ZNF76: variants seen among roughly 807,000 people sequenced by gnomAD.
The protein encoded by ZNF76 is zinc finger protein 76.
ZNF76 carries 66 observed loss-of-function variants against 66.9 expected under a neutral mutation model. The observed-to-expected ratio is 0.99, with a 90% CI of 0.81 to 1.21. ZNF76 has a LOEUF of 1.21. ZNF76 is among the 50% of genes most tolerant of loss of function. ZNF76 has a pLI of 0.00. For synonymous variants in ZNF76, 275 were observed against 296.1 expected (o/e 0.93, Z 0.73); for missense variants, 729 against 760.3 (o/e 0.96, Z 0.48).
chr6:35,265,085 G>T (rs939590459), intron 1 of ZNF76, among the ~76,000 whole-genome samples: 10 of 152,138 alleles, frequency 6.6e-5, no homozygotes, highest in African/African-American at 2.2e-4. Context: ...TGTGTGCCAG[G>T]TACTTTTCTA....
chr6:35,279,488 C>T (rs1343802612), intron 1 of ZNF76: 2 of 130,088 alleles, frequency 1.5e-5, no homozygotes, highest in Admixed American at 9.6e-5. Flanking sequence ...AGTGCAGTGG[C>T]GCGATCTTGG....
chr6:35,283,885 C>T (rs958729401), intron 2 of ZNF76, among the ~76,000 whole-genome samples: 2 of 152,256 alleles, frequency 1.3e-5, no homozygotes, highest in South Asian at 2.1e-4. Context: ...CTCCACCTTA[C>T]CTGCCTTTGG....
chr6:35,280,530 G>A (rs1312239606), intron 1 of ZNF76, among the ~76,000 whole-genome samples: 3 of 59,514 alleles, frequency 5.0e-5, no homozygotes, highest in African/African-American at 6.7e-5. Flanking sequence ...CCCCCCCCCC[G>A]CCCTGAAGTT....
intron 3 of ZNF76, 53 bp downstream of exon 3, chr6:35,286,261 A>C: frequency 6.2e-7 from 1 of 1,613,052 alleles, no homozygotes; most frequent in Non-Finnish European, 8.5e-7. Context: ...GACAGCCCCC[A>C]CCAAGGGACC....
chr6:35,290,431 G>T, intron 6 of ZNF76, 49 bp downstream of exon 6: 1 of 1,603,026 alleles, frequency 6.2e-7, no homozygotes, highest in Non-Finnish European at 8.5e-7. Flanking sequence ...TCCCTCCCAG[G>T]CTGTAATTCT....
In ZNF76 at chr6:35,291,676, C is replaced by T; in HGVS notation, c.870C>T (p.Pro290=). The T allele has an allele frequency of 6.2e-7, 1 of 1,613,682 alleles. No individual in the cohort carries two copies. The highest frequency in any genetic ancestry group is 2.2e-5 in the East Asian group (1 of 44,874). Residue 290 remains proline (P), a synonymous_variant, in exon 9 of 14, where the codon CCC becomes CCT. Coordinates refer to ENST00000373953, the MANE Select transcript of ZNF76 (RefSeq NM_003427.5). The part of the protein sequence containing the change: ...TGERPYTCPE[P]HCGRGFTSAT... The stretch of plus-strand genomic sequence containing the variant: ...AGAGGCCCTACACCTGCCCGGAGCC[C>T]CACTGTGGCCGCGGCTTCACCAGCG...
intron 1 of ZNF76, among the ~76,000 whole-genome samples, chr6:35,280,261 T>G (rs1444554857): frequency 6.6e-6 from 1 of 152,150 alleles, no homozygotes; most frequent in Non-Finnish European, 1.5e-5. Flanking sequence ...TGGAAGAGGC[T>G]GAGGCAGGAA....
chr6:35,285,088 A>G (rs1198986902), intron 2 of ZNF76, among the ~76,000 whole-genome samples: 1 of 152,224 alleles, frequency 6.6e-6, no homozygotes, highest in African/African-American at 2.4e-5. Flanking sequence ...CTCACTGGAC[A>G]CAAGGAAGGG....
chr6:35,267,211 T>C (rs1786282122), intron 1 of ZNF76, among the ~76,000 whole-genome samples: 1 of 151,486 alleles, frequency 6.6e-6, no homozygotes, highest in African/African-American at 2.4e-5. Flanking sequence ...AGTCCTCCCA[T>C]GTCAGCCTCC....
chr6:35,291,192 G>A (rs867754763), intron 7 of ZNF76, 86 bp from the exon 8 acceptor site: 2 of 1,520,940 alleles, frequency 1.3e-6, no homozygotes, highest in Middle Eastern at 1.8e-4. Flanking sequence ...GCCAAAGGAG[G>A]TGGAGAGCCT....
At position 35,271,888 on chromosome 6, in the gene ZNF76, A is replaced by C. The variant is rs553532189; in HGVS notation, c.-96-9168A>C. 4.1e-4 allele frequency among the ~76,000 whole-genome samples: 63 copies of C among 152,146 alleles called. 1 individual carries two copies. Among genetic ancestry groups the C allele is most frequent in the Non-Finnish European group, 5.6e-4 (38 of 67,978 alleles). On this transcript the variant is annotated intron_variant, in intron 1 of 13. Transcript: ENST00000373953. ...GAGGATCACTTGATCCTGGGAGATC[A>C]AGACCAGCCTGGGCAACATAATAAG...
At position 35,275,111 on chromosome 6, in the gene ZNF76, T is replaced by A. The variant is rs145609481; in HGVS notation, c.-96-5945T>A. ...CGGAGGTTGCAGTGAGCCGAGATTG[T>A]GTCATTGCACTCCAGCGTGGGCGTG... On this transcript the variant is annotated intron_variant, in intron 1 of 13. Transcript: ENST00000373953. Among the ~76,000 whole-genome samples, 81 of 152,006 alleles carry A rather than the reference T, an allele frequency of 5.3e-4. No homozygotes were observed. The East Asian group carries it at 0.012, about 22-fold the overall frequency.
At chr6:35,262,937 G>C (rs1372778738) in intron 1 of ZNF76, among the ~76,000 whole-genome samples, 1 of 151,824 alleles carries the variant, frequency 6.6e-6, no homozygotes, top group Non-Finnish European at 1.5e-5. Context: ...TCCTCTTCCT[G>C]CCTTCCTCTT....
chr6:35,287,611 G>A lies in ZNF76; in HGVS notation c.233-35G>A, dbSNP rs1255213637. 2 of 1,561,770 alleles carry A rather than the reference G, an allele frequency of 1.3e-6. No homozygotes were observed. Among genetic ancestry groups the A allele is most frequent in the South Asian group, 1.2e-5 (1 of 83,350 alleles). ...GGTCCCAGCTGTATCTCTTCCCCTT[G>A]TGTGGCATCAGGGCTAACCGCGTGT... On this transcript the variant is annotated intron_variant, in intron 4 of 13. Transcript: ENST00000373953. This position sits in a 1 kb window ranked among gnomAD's most constrained non-coding sequence, Gnocchi z 4.0.
intron 7 of ZNF76, 32 bp from the exon 8 acceptor site, chr6:35,291,246 C>G (rs1168236543): frequency 6.3e-7 from 1 of 1,581,992 alleles, no homozygotes. Context: ...ACTGGGTGCT[C>G]ATCTCACCCC....
chr6:35,295,079 C>T (rs1425529549), intron 13 of ZNF76, 65 bp from the exon 14 acceptor site: 2 of 1,331,894 alleles, frequency 1.5e-6, no homozygotes, highest in Admixed American at 2.0e-5. Flanking sequence ...CCACATATTA[C>T]TAACACTGGA....
At chr6:35,278,674 C>G (rs963169214) in intron 1 of ZNF76, among the ~76,000 whole-genome samples, 8 of 152,216 alleles carry the variant, frequency 5.3e-5, no homozygotes, top group African/African-American at 1.9e-4. Flanking sequence ...GAATGGATGT[C>G]AAAGAGAGTC....
chr6:35,267,464 T>G (rs16873902), intron 1 of ZNF76, among the ~76,000 whole-genome samples: 2,105 of 152,288 alleles, frequency 0.014, 20 homozygotes, highest in Middle Eastern at 0.027. Context: ...GTTGATGAAT[T>G]AAGTGCTTAG....
At chr6:35,264,088 A>G (rs535638350) in intron 1 of ZNF76, among the ~76,000 whole-genome samples, 2 of 152,266 alleles carry the variant, frequency 1.3e-5, no homozygotes, top group South Asian at 4.1e-4. Context: ...CTTCCCTCAC[A>G]TTTAGCAGGT....
Sources: allele counts gnomAD v4.1 joint callset (sites outside exome capture counted in the v4.1 genomes callset), GRCh38; gene constraint gnomAD v4.1.1; non-coding constraint Gnocchi (gnomAD v3.1); transcripts MANE v1.5; gene names NCBI Gene and HGNC (gene_info 2026-07-23, HGNC 2026-07-21).